The following DCAF8L2 variants were observed in gnomAD, a reference collection of about 807,000 sequenced individuals.
DCAF8L2 encodes DDB1- and CUL4-associated factor 8-like protein 2.
For synonymous variants in DCAF8L2, 200 were observed against 190.9 expected, an observed-to-expected ratio of 1.05 and a Z score of -0.39; for missense variants, 430 against 490.7, an observed-to-expected ratio of 0.88 and a Z score of 1.17.
chrX:27,673,326 G>A (rs1930017540), intron 2 of DCAF8L2, among the ~76,000 whole-genome samples: 2 of 107,750 alleles, frequency 1.9e-5, no homozygotes, highest in African/African-American at 6.8e-5. Context: ...TGGCCAACAC[G>A]GCGAAACCCC....
the DCAF8L2 span, among the ~76,000 whole-genome samples, chrX:27,567,768 TAAAG>T: frequency 3.1e-4 from 33 of 107,682 alleles, no homozygotes; most frequent in African/African-American, 1.1e-3. Context: ...AAGCAAAGAA[TAAAG>T]AGTGTATTAG....
At chrX:27,493,784 T>C in the DCAF8L2 span, among the ~76,000 whole-genome samples, 1 of 109,115 alleles carries the variant, frequency 9.2e-6, no homozygotes, top group East Asian at 2.9e-4. Flanking sequence ...GTCATCCTCA[T>C]GCTTCCCACT....
intron 3 of DCAF8L2, among the ~76,000 whole-genome samples, chrX:27,713,608 T>A (rs1398320316): frequency 1.8e-5 from 2 of 112,102 alleles, no homozygotes; most frequent in East Asian, 5.6e-4. Context: ...ATACATTGTT[T>A]ATTTGCTGGC....
the DCAF8L2 span, among the ~76,000 whole-genome samples, chrX:27,479,384 C>G: frequency 9.0e-6 from 1 of 110,903 alleles, no homozygotes; most frequent in Non-Finnish European, 1.9e-5. Context: ...TAAGCTGCAC[C>G]CGGATTCCTG....
chrX:27,672,832 T>C (rs1025582363), intron 2 of DCAF8L2, among the ~76,000 whole-genome samples: 10 of 112,336 alleles, frequency 8.9e-5, no homozygotes, highest in African/African-American at 3.2e-4. Flanking sequence ...CCTTTTCTCG[T>C]GTCAAATTTG....
At chrX:27,510,604 G>A in the DCAF8L2 span, among the ~76,000 whole-genome samples, 1 of 108,183 alleles carries the variant, frequency 9.2e-6, no homozygotes, top group African/African-American at 3.4e-5. Flanking sequence ...GAAATTAGAA[G>A]CAGTTTTTCT....
chrX:27,606,559 C>T (rs965571932), intron 1 of DCAF8L2, among the ~76,000 whole-genome samples: 5 of 104,452 alleles, frequency 4.8e-5, no homozygotes, highest in Non-Finnish European at 7.8e-5. Flanking sequence ...TTAGTAGAGA[C>T]GGGGTTTCAC....
chrX:27,694,213 G>C (rs773275536), intron 3 of DCAF8L2, among the ~76,000 whole-genome samples: 1 of 110,783 alleles, frequency 9.0e-6, no homozygotes, highest in Non-Finnish European at 1.9e-5. Flanking sequence ...CCACTAGATG[G>C]GGGAAGGCAG....
At chrX:27,623,785 G>A (rs1171183172) in intron 1 of DCAF8L2, among the ~76,000 whole-genome samples, 1 of 111,129 alleles carries the variant, frequency 9.0e-6, no homozygotes, top group Non-Finnish European at 1.9e-5. Context: ...ATTTAAACAC[G>A]TGTGAATGGA....
At chrX:27,645,042 T>C (rs1928886952) in intron 2 of DCAF8L2, among the ~76,000 whole-genome samples, 1 of 111,855 alleles carries the variant, frequency 8.9e-6, no homozygotes, top group Non-Finnish European at 1.9e-5. Flanking sequence ...AGGCATGAGC[T>C]ACCGCACCCG....
the DCAF8L2 span, among the ~76,000 whole-genome samples, chrX:27,514,215 C>CACA: frequency 1.3e-5 from 1 of 74,147 alleles, no homozygotes; most frequent in African/African-American, 6.8e-5. Context: ...TGTATGTGTG[C>CACA]TATGTACCTA....
intron 4 of DCAF8L2, among the ~76,000 whole-genome samples, chrX:27,743,188 G>A (rs1240369644): frequency 9.2e-6 from 1 of 108,589 alleles, no homozygotes; most frequent in Non-Finnish European, 1.9e-5. Flanking sequence ...CCCAAGGGAT[G>A]GGATTCGCTT....
chrX:27,583,208 G>A, the DCAF8L2 span, among the ~76,000 whole-genome samples: 18 of 111,575 alleles, frequency 1.6e-4, no homozygotes, highest in East Asian at 4.3e-3. Flanking sequence ...TTGTGTGTGT[G>A]CACAAATGGT....
the DCAF8L2 span, among the ~76,000 whole-genome samples, chrX:27,555,055 G>T: frequency 9.0e-6 from 1 of 111,635 alleles, no homozygotes; most frequent in Admixed American, 9.5e-5. Flanking sequence ...GGCTGAAAAT[G>T]GACTGTGCTA....
chrX:27,594,398 T>G (rs892219032), intron 1 of DCAF8L2, among the ~76,000 whole-genome samples: 1 of 111,381 alleles, frequency 9.0e-6, no homozygotes, highest in Non-Finnish European at 1.9e-5. Flanking sequence ...AGCTTATTTT[T>G]AAATTTTAAT....
At chrX:27,685,704 T>C (rs745918580) in intron 3 of DCAF8L2, among the ~76,000 whole-genome samples, 123 of 111,754 alleles carry the variant, frequency 1.1e-3, no homozygotes, top group Middle Eastern at 4.7e-3. Context: ...CTCAAAAGCA[T>C]AGGCAACAAA....
intron 2 of DCAF8L2, among the ~76,000 whole-genome samples, chrX:27,643,934 C>A (rs752598477): frequency 1.2e-4 from 13 of 111,731 alleles, no homozygotes; most frequent in Non-Finnish European, 2.1e-4. Context: ...TCTATATTCT[C>A]CAGAGTTTTT....
intron 3 of DCAF8L2, among the ~76,000 whole-genome samples, chrX:27,690,687 C>A (rs1364880584): frequency 9.0e-6 from 1 of 110,961 alleles, no homozygotes; most frequent in African/African-American, 3.3e-5. Flanking sequence ...ATCCTCTAAT[C>A]TGGCCTTTAC....
chrX:27,528,137 T>G, the DCAF8L2 span, among the ~76,000 whole-genome samples: 2 of 104,940 alleles, frequency 1.9e-5, no homozygotes, highest in Non-Finnish European at 3.9e-5. Context: ...ATAATTAAAT[T>G]ATTAAATTGT....
Sources: gnomAD v4.1 joint callset for allele counts (sites outside exome capture counted in the v4.1 genomes callset) on GRCh38, gnomAD v4.1.1 for gene constraint, MANE v1.5 for transcripts, NCBI Gene and HGNC (gene_info 2026-07-23, HGNC 2026-07-21) for gene names.